DNAH2: variants seen among roughly 807,000 people sequenced by gnomAD.
DNAH2 encodes the protein axonemal beta dynein heavy chain 2.
DNAH2 carries 323 observed loss-of-function variants against 523.5 expected under a neutral mutation model. The observed-to-expected ratio is 0.62, with a 90% confidence interval of 0.56 to 0.68. The LOEUF (loss-of-function observed/expected upper bound fraction) is 0.68. DNAH2 is among the 30% of genes least tolerant of loss of function. DNAH2 has a pLI of 0.00. For missense variants in DNAH2, 4,907 were observed against 5,701.5 expected (o/e 0.86, Z 4.49); for synonymous variants, 2,093 against 2,177.4 (o/e 0.96, Z 1.08).
intron 9 of DNAH2, 85 bp from the exon 10 acceptor site, chr17:7,740,335 A>C: frequency 6.3e-7 from 1 of 1,579,506 alleles, no homozygotes. Context: ...CTCTGTCCTC[A>C]GCAATGCATG....
rs566068141 is a variant in DNAH2 at position 7,807,195 on chromosome 17, A to G, written c.9488A>G (p.Asn3163Ser). ...TCACTGATCAACTTTGATAAAGACA[A>G]TATCTCAGATAAGGTTCTGAAGAAG... ...IKSLINFDKDNISDKVLKKIG... is the reference protein window; with the variant it reads ...IKSLINFDKDSISDKVLKKIG... Residue 3163 changes from asparagine to serine, a missense_variant, in exon 62 of 86, where the codon AAT (asparagine) becomes AGT (serine). Asn to Ser is a conservative substitution (Grantham distance 46). This residue lies in a region of DNAH2 where 1,851 missense variants were observed against 2,139.4 expected (regional missense o/e 0.87). Coordinates refer to ENST00000572933, the MANE Select transcript of DNAH2 (RefSeq NM_020877.5). This position sits in a 1 kb window ranked among gnomAD's most constrained non-coding sequence, Gnocchi z 5.6. 5.4e-5 allele frequency: 87 copies of G among 1,612,228 alleles called. 1 individual carries two copies. In the South Asian group the frequency reaches 8.7e-4, roughly 16 times the overall value.
chr17:7,723,723 T>C, intron 3 of DNAH2, 34 bp downstream of exon 3: 8 of 1,593,790 alleles, frequency 5.0e-6, no homozygotes, highest in Non-Finnish European at 6.9e-6. Context: ...CAGATATTCC[T>C]CCCCCAAAAC....
chr17:7,777,641 G>A lies in DNAH2; in HGVS notation c.5247+7G>A, dbSNP rs747841637. The A allele has an allele frequency of 1.2e-6, 2 of 1,613,790 alleles. No homozygotes were observed. The highest frequency in any genetic ancestry group is 1.1e-5 in the South Asian group (1 of 91,070). ...TCGGTTCTACTGGGAGAAGGTGCCAGATGGGCCACCTCCCCACTCTCTTAC... is the reference window on the plus strand; with the variant it reads ...TCGGTTCTACTGGGAGAAGGTGCCAAATGGGCCACCTCCCCACTCTCTTAC... On this transcript the variant is annotated splice_region_variant and intron_variant, in intron 33 of 85. Transcript: ENST00000572933.
At chr17:7,812,925 T>C (rs1160007673) in intron 63 of DNAH2, among the ~76,000 whole-genome samples, 1 of 149,966 alleles carries the variant, frequency 6.7e-6, no homozygotes, top group African/African-American at 2.5e-5. Flanking sequence ...CACTCCAGCC[T>C]GAGTGACAAG....
Position 7,740,912 on chromosome 17 carries a change from C to A in DNAH2, c.1609C>A (p.Leu537Met). 1 of 1,613,948 alleles carries A rather than the reference C, an allele frequency of 6.2e-7. No individual in the cohort carries two copies. Among genetic ancestry groups the A allele is most frequent in the East Asian group, 2.2e-5 (1 of 44,860 alleles). ...TGAACGGAACAAGAAATGGCCAGAC[C>A]TGGAGCCCTACGTGGCCCAGTATTC... Reference protein sequence around the residue: ...NRERNKKWPDLEPYVAQYSGK... With the variant: ...NRERNKKWPDMEPYVAQYSGK... The change falls in exon 11 of 86, where the codon CTG becomes ATG. Residue 537 changes from leucine to methionine, a missense_variant. Transcript: ENST00000572933.
At position 7,798,545 on chromosome 17, in the gene DNAH2, C is replaced by G; in HGVS notation, c.8399-13C>G. The G allele has an allele frequency of 1.2e-6, 2 of 1,613,370 alleles. No homozygotes were observed. Among genetic ancestry groups the G allele is most frequent in the Non-Finnish European group, 1.7e-6 (2 of 1,179,756 alleles). On this transcript the variant is annotated splice_polypyrimidine_tract_variant and intron_variant, in intron 54 of 85. Transcript: ENST00000572933. The surrounding 1 kb of genome is among the most constrained non-coding windows in gnomAD (Gnocchi z 5.5). Reference sequence around the variant, plus strand: ...TCTGCAGTGAGTTTGTCCTCCTTCCCTCCCCCGGCCAGATATCAAGCGTCT... The same window carrying G: ...TCTGCAGTGAGTTTGTCCTCCTTCCGTCCCCCGGCCAGATATCAAGCGTCT...
chr17:7,818,340 TAAG>T lies in DNAH2; in HGVS notation c.10417_10419del (p.Lys3473del), dbSNP rs2077744865. The T allele has an allele frequency of 1.9e-6, 3 of 1,614,148 alleles. No individual in the cohort carries two copies. The highest frequency in any genetic ancestry group is 2.5e-6 in the Non-Finnish European group (3 of 1,180,024). ...GTCGGCTGTTGATGCGCATTGGCGA[TAAG>T]GAGGTGGAATATAATACCAATTTCC... On this transcript the variant is annotated inframe_deletion, in exon 69 of 86. Transcript: ENST00000572933.
At chr17:7,810,290 C>T (rs903112851) in intron 63 of DNAH2, among the ~76,000 whole-genome samples, 18 of 151,788 alleles carry the variant, frequency 1.2e-4, no homozygotes, top group Non-Finnish European at 1.5e-4. Flanking sequence ...GTCTTGAACT[C>T]GTGGGCTCAA....
intron 84 of DNAH2, 33 bp from the exon 85 acceptor site, chr17:7,833,038 G>A: frequency 6.2e-7 from 1 of 1,612,898 alleles, no homozygotes; most frequent in East Asian, 2.2e-5. Flanking sequence ...TTGAAGTCTA[G>A]CTTCTCCCAG....
chr17:7,753,501 G>A (rs140736911), intron 12 of DNAH2, among the ~76,000 whole-genome samples: 127 of 152,306 alleles, frequency 8.3e-4, no homozygotes, highest in Non-Finnish European at 7.5e-4. Flanking sequence ...ATTCTTTACT[G>A]TATCCCCAGC....
chr17:7,815,599 C>G (rs2077640203), intron 63 of DNAH2, among the ~76,000 whole-genome samples: 1 of 151,762 alleles, frequency 6.6e-6, no homozygotes, highest in Non-Finnish European at 1.5e-5. Context: ...TATACAGGAT[C>G]ACATACACAT....
rs779615093 is a variant in DNAH2 at position 7,740,851 on chromosome 17, C to T, written c.1548C>T (p.Tyr516=). The T allele has an allele frequency of 6.8e-6, 11 of 1,613,282 alleles. No homozygotes were observed. The highest frequency in any genetic ancestry group is 8.5e-6 in the Non-Finnish European group (10 of 1,179,412). ...ATGACAAGAAGGCGGTGGATCTCTA[C>T]ATGCTGTTCAATAGCGAGCTGGCCC... ...RTYDKKAVDL[Y]MLFNSELALV... Residue 516 remains tyrosine (Y), a synonymous_variant, in exon 11 of 86, where the codon TAC becomes TAT. Coordinates refer to ENST00000572933, the MANE Select transcript of DNAH2 (RefSeq NM_020877.5).
At chr17:7,805,858 G>GA (rs139367701) in intron 61 of DNAH2, among the ~76,000 whole-genome samples, 3 of 150,298 alleles carry the variant, frequency 2.0e-5, no homozygotes, top group South Asian at 2.1e-4. Flanking sequence ...TGTCTCCAAA[G>GA]AAAAAAAAAG....
At chr17:7,820,598 C>T (rs2077824005) in intron 72 of DNAH2, among the ~76,000 whole-genome samples, 1 of 152,216 alleles carries the variant, frequency 6.6e-6, no homozygotes. Flanking sequence ...CCAAGTCCAG[C>T]AGGCAGGGAC....
In DNAH2 at chr17:7,780,187, A is replaced by G; in HGVS notation, c.5753A>G (p.Asn1918Ser). Residue 1918 changes from asparagine to serine, a missense_variant, in exon 37 of 86, where the codon AAT (asparagine) becomes AGT (serine). This residue lies in a region of DNAH2 where 2,806 missense variants were observed against 3,190.8 expected (regional missense o/e 0.88). Coordinates refer to ENST00000572933, the MANE Select transcript of DNAH2 (RefSeq NM_020877.5). The surrounding 1 kb of genome is among the most constrained non-coding windows in gnomAD (Gnocchi z 4.4). ...GCTGGCCGCACAGAGCTTCCCGAAA[A>G]TCTTAAATCCATGTTCCGCCCAATT... Reference protein sequence around the residue: ...GYAGRTELPENLKSMFRPIAM... With the variant: ...GYAGRTELPESLKSMFRPIAM... 6.2e-7 allele frequency: 1 copy of G among 1,613,864 alleles called. No homozygotes were observed. The highest frequency in any genetic ancestry group is 1.3e-5 in the African/African-American group (1 of 74,996).
chr17:7,830,326 T>C lies in DNAH2; in HGVS notation c.11880T>C (p.Leu3960=). The part of the protein sequence containing the change: ...PKGLKANMTR[L]YQLMSEPQFS... ...GCCTAAAGGCCAACATGACACGTCTTTACCAACTGATGTCAGAACCACAGT... is the reference window on the plus strand; with the variant it reads ...GCCTAAAGGCCAACATGACACGTCTCTACCAACTGATGTCAGAACCACAGT... The change falls in exon 78 of 86, where the codon CTT becomes CTC. Residue 3960 remains leucine, a synonymous_variant. Coordinates refer to ENST00000572933, the MANE Select transcript of DNAH2 (RefSeq NM_020877.5). 1 of 1,614,210 alleles carries C rather than the reference T, an allele frequency of 6.2e-7. No homozygotes were observed. The highest frequency in any genetic ancestry group is 8.5e-7 in the Non-Finnish European group (1 of 1,180,038).
intron 6 of DNAH2, 23 bp downstream of exon 6, chr17:7,734,316 A>G (rs1350310785): frequency 1.9e-6 from 3 of 1,605,642 alleles, no homozygotes; most frequent in Non-Finnish European, 2.6e-6. Flanking sequence ...CACTGCTAGC[A>G]TCACCTGGCG....
At chr17:7,815,310 C>G (rs2077628604) in intron 63 of DNAH2, among the ~76,000 whole-genome samples, 1 of 152,266 alleles carries the variant, frequency 6.6e-6, no homozygotes, top group African/African-American at 2.4e-5. Context: ...GCTACTTCTA[C>G]TTTCTAGTAG....
At position 7,830,401 on chromosome 17, in the gene DNAH2, C is replaced by T; in HGVS notation, c.11955C>T (p.Leu3985=). 1 of 1,614,260 alleles carries T rather than the reference C, an allele frequency of 6.2e-7. No homozygotes were observed. The highest frequency in any genetic ancestry group is 2.2e-5 in the East Asian group (1 of 44,890). The change falls in exon 78 of 86, where the codon CTC becomes CTT. Residue 3985 remains leucine, a synonymous_variant. Coordinates refer to ENST00000572933, the MANE Select transcript of DNAH2 (RefSeq NM_020877.5). ...PAKYKKLLFS[L]CFFHSVLLER... Reference sequence around the variant, plus strand: ...AATATAAGAAGCTGCTGTTTTCACTCTGTTTCTTCCACTCTGTGTTACTTG... The same window carrying T: ...AATATAAGAAGCTGCTGTTTTCACTTTGTTTCTTCCACTCTGTGTTACTTG...
Sources: gnomAD v4.1 joint callset for allele counts (sites outside exome capture counted in the v4.1 genomes callset) on GRCh38, gnomAD v4.1.1 for gene constraint, gnomAD v4.1.1 regional missense constraint, Gnocchi (gnomAD v3.1) non-coding constraint, MANE v1.5 for transcripts, NCBI Gene and HGNC (gene_info 2026-07-23, HGNC 2026-07-21) for gene names.